Variants in SNU13 observed in about 807,000 individuals in gnomAD.
SNU13 encodes small nuclear ribonucleoprotein 13.
A neutral mutation model predicts 12.4 loss-of-function variants in SNU13; 2 were observed. That is an observed-to-expected ratio of 0.16 (90% CI 0.07 to 0.51). SNU13 has a LOEUF of 0.51. Ranked by LOEUF, SNU13 falls within the 20% of genes least tolerant of loss-of-function variation. SNU13 has a pLI of 0.96. For missense variants in SNU13, 66 were observed against 157.8 expected (o/e 0.42, Z 3.12); for synonymous variants, 68 against 66.5 (o/e 1.02, Z -0.11).
chr22:41,688,922 T>A, upstream of SNU13: 2 of 1,446,884 alleles, frequency 1.4e-6, no homozygotes, highest in Middle Eastern at 2.3e-4. Flanking sequence ...GAAGCGAAGG[T>A]GACGCTACGC....
chr22:41,677,711 T>C (rs1247174097), intron 2 of SNU13, among the ~76,000 whole-genome samples: 1 of 152,148 alleles, frequency 6.6e-6, no homozygotes, highest in Non-Finnish European at 1.5e-5. Flanking sequence ...TTTACCATTG[T>C]ACTCACTGCT....
intron 1 of SNU13, among the ~76,000 whole-genome samples, chr22:41,684,245 G>A (rs1269547761): frequency 6.6e-6 from 1 of 152,202 alleles, no homozygotes; most frequent in Admixed American, 6.5e-5. Flanking sequence ...AGAAAGAACA[G>A]CTCTCTCTGG....
At chr22:41,675,225 G>T in intron 2 of SNU13, 30 bp from the exon 3 acceptor site, 1 of 1,605,824 alleles carries the variant, frequency 6.2e-7, no homozygotes, top group Non-Finnish European at 8.5e-7. Flanking sequence ...AAGCTAATAG[G>T]TGATGTGGGC....
chr22:41,682,914 G>T (rs2068278352), intron 1 of SNU13, among the ~76,000 whole-genome samples: 1 of 152,114 alleles, frequency 6.6e-6, no homozygotes, highest in Non-Finnish European at 1.5e-5. Context: ...CTCCCAAAGT[G>T]CTGGGATTAC....
At chr22:41,685,148 C>G (rs2068300164) in intron 1 of SNU13, among the ~76,000 whole-genome samples, 2 of 83,186 alleles carry the variant, frequency 2.4e-5, no homozygotes, top group Non-Finnish European at 4.8e-5. Context: ...GAGTGAAACT[C>G]CATCTCAAAA....
At chr22:41,675,217 G>T in intron 2 of SNU13, 22 bp from the exon 3 acceptor site, 1 of 1,608,060 alleles carries the variant, frequency 6.2e-7, no homozygotes. Context: ...AGGACGTGAA[G>T]CTAATAGGTG....
chr22:41,678,769 G>A (rs1246188557), intron 2 of SNU13, among the ~76,000 whole-genome samples: 16 of 152,152 alleles, frequency 1.1e-4, no homozygotes, highest in Non-Finnish European at 1.5e-5. Flanking sequence ...GCAGTGTGAC[G>A]AGCAGGGAGG....
At chr22:41,678,265 G>A (rs371794137) in intron 2 of SNU13, among the ~76,000 whole-genome samples, 4 of 152,034 alleles carry the variant, frequency 2.6e-5, no homozygotes, top group Admixed American at 6.6e-5. Context: ...GTGAGCCACC[G>A]CGCCCGGCCT....
rs976206703 is a variant in SNU13 at position 41,677,954 on chromosome 22, CTACTT to C, written c.124+2285_124+2289del. Reference sequence around the variant, plus strand: ...CCACTGCCATTCCTATCCCCCTTCTCTACTTTATTCTGTTTTACAGCATTCTTTTT... The same window carrying C: ...CCACTGCCATTCCTATCCCCCTTCTCTATTCTGTTTTACAGCATTCTTTTT... On this transcript the variant is annotated intron_variant, in intron 2 of 2. Transcript: ENST00000401959. 1.3e-3 allele frequency among the ~76,000 whole-genome samples: 202 copies of C among 152,108 alleles called. 1 individual carries two copies. The highest frequency in any genetic ancestry group is 4.6e-3 in the African/African-American group (192 of 41,464).
At chr22:41,678,704 T>C (rs780367751) in intron 2 of SNU13, among the ~76,000 whole-genome samples, 6 of 152,130 alleles carry the variant, frequency 3.9e-5, no homozygotes, top group Non-Finnish European at 5.9e-5. Flanking sequence ...GGAGAGCTGG[T>C]GGGTCACCCT....
upstream of SNU13, chr22:41,689,168 C>T: frequency 2.2e-6 from 2 of 889,588 alleles, no homozygotes; most frequent in Non-Finnish European, 2.7e-6. Flanking sequence ...TCGAGACCAG[C>T]CTGGCCAACA....
chr22:41,685,432 C>G (rs969115603), intron 1 of SNU13, among the ~76,000 whole-genome samples: 2 of 151,962 alleles, frequency 1.3e-5, no homozygotes, highest in African/African-American at 2.4e-5. Context: ...CGGCTCACCG[C>G]AACTTCTGCC....
At chr22:41,678,417 A>G (rs1303793354) in intron 2 of SNU13, among the ~76,000 whole-genome samples, 5 of 152,188 alleles carry the variant, frequency 3.3e-5, no homozygotes, top group African/African-American at 9.7e-5. Context: ...CAGGCAATCA[A>G]TAAATATGGC....
At chr22:41,688,730 C>G in intron 1 of SNU13, 64 bp downstream of exon 1, 1 of 1,588,978 alleles carries the variant, frequency 6.3e-7, no homozygotes, top group South Asian at 1.1e-5. Context: ...ATCTAACAGG[C>G]TAGGGAGTGA....
intron 2 of SNU13, among the ~76,000 whole-genome samples, chr22:41,677,006 T>G (rs1472232066): frequency 1.3e-5 from 2 of 152,198 alleles, no homozygotes; most frequent in Non-Finnish European, 2.9e-5. Context: ...CATCTTTCAT[T>G]AAAACATCAC....
chr22:41,681,935 C>T (rs184272182), intron 1 of SNU13, among the ~76,000 whole-genome samples: 6 of 152,240 alleles, frequency 3.9e-5, no homozygotes, highest in African/African-American at 9.6e-5. Flanking sequence ...CTGCCTATTC[C>T]GCTCCTTCCA....
intron 1 of SNU13, among the ~76,000 whole-genome samples, chr22:41,682,053 G>A (rs2068268286): frequency 6.6e-6 from 1 of 151,884 alleles, no homozygotes; most frequent in African/African-American, 2.4e-5. Context: ...TTATAACCCA[G>A]GTGCGGCCCC....
chr22:41,685,154 CAAA>C (rs71184830), intron 1 of SNU13, among the ~76,000 whole-genome samples: 2 of 118,004 alleles, frequency 1.7e-5, no homozygotes, highest in Admixed American at 9.3e-5. Context: ...AACTCCATCT[CAAA>C]AAAAAAAAAA....
At chr22:41,677,792 C>G (rs1295876833) in intron 2 of SNU13, among the ~76,000 whole-genome samples, 1 of 152,062 alleles carries the variant, frequency 6.6e-6, no homozygotes, top group Non-Finnish European at 1.5e-5. Flanking sequence ...CAGCCACACA[C>G]CAGCCTCCTT....
Sources: allele counts gnomAD v4.1 joint callset (sites outside exome capture counted in the v4.1 genomes callset), GRCh38; gene constraint gnomAD v4.1.1; transcripts MANE v1.5; gene names NCBI Gene and HGNC (gene_info 2026-07-23, HGNC 2026-07-21).